The following GRM1 variants were observed in gnomAD, a reference collection of about 807,000 sequenced individuals.
GRM1 encodes the protein glutamate metabotropic receptor 1, also known as metabotropic glutamate receptor 1.
A neutral mutation model predicts 90.9 loss-of-function variants in GRM1; 33 were observed. The observed-to-expected ratio is 0.36, with a 90% CI of 0.28 to 0.49. The LOEUF (loss-of-function observed/expected upper bound fraction) is 0.49, where lower values mean the gene tolerates loss of function less well. Ranked by LOEUF, GRM1 falls within the 20% of genes least tolerant of loss-of-function variation. The probability of loss-of-function intolerance (pLI) is 0.99; values close to 1 mark genes in which losing one functional copy is unlikely to be tolerated. For synonymous variants in GRM1, 700 were observed against 613.2 expected (o/e 1.14, Z -2.09); for missense variants, 1,190 against 1,534.3 (o/e 0.78, Z 3.75).
chr6:146,139,828 A>G (rs1776770153), intron 1 of GRM1, among the ~76,000 whole-genome samples: 1 of 151,686 alleles, frequency 6.6e-6, no homozygotes, highest in African/African-American at 2.4e-5. Context: ...CTGACAACTA[A>G]AAACCTACTC....
intron 7 of GRM1, chr6:146,426,423 C>A (rs780619257): frequency 2.7e-6 from 2 of 734,250 alleles, no homozygotes; most frequent in Non-Finnish European, 4.8e-6. Context: ...AGAGCAAGGA[C>A]CATAGAGCAA....
At chr6:146,424,613 G>A (rs926801558) in intron 7 of GRM1, among the ~76,000 whole-genome samples, 54 of 152,240 alleles carry the variant, frequency 3.5e-4, no homozygotes, top group African/African-American at 1.3e-3. Flanking sequence ...TAAACATCAA[G>A]TGCAGGGCTC....
At chr6:146,033,380 AC>A (rs1425006472) in intron 1 of GRM1, among the ~76,000 whole-genome samples, 10 of 152,170 alleles carry the variant, frequency 6.6e-5, no homozygotes, top group African/African-American at 2.4e-4. Context: ...CGTCAAAAAA[AC>A]AAATTTATTA....
chr6:146,103,942 G>A (rs925124289), intron 1 of GRM1, among the ~76,000 whole-genome samples: 2 of 152,116 alleles, frequency 1.3e-5, no homozygotes, highest in Admixed American at 1.3e-4. Context: ...TGGAAGATGA[G>A]GAAACATTTG....
At chr6:146,214,296 T>C (rs1057211241) in intron 2 of GRM1, among the ~76,000 whole-genome samples, 11 of 152,326 alleles carry the variant, frequency 7.2e-5, no homozygotes, top group African/African-American at 2.6e-4. Flanking sequence ...ACTGGCATGG[T>C]CTAAGCCATA....
chr6:146,231,293 C>G (rs552483857), intron 2 of GRM1, among the ~76,000 whole-genome samples: 1 of 152,090 alleles, frequency 6.6e-6, no homozygotes, highest in African/African-American at 2.4e-5. Flanking sequence ...ACCTTCCACT[C>G]AATTTTACTG....
At chr6:146,220,040 T>G (rs1780009225) in intron 2 of GRM1, among the ~76,000 whole-genome samples, 1 of 152,088 alleles carries the variant, frequency 6.6e-6, no homozygotes, top group Admixed American at 6.6e-5. Flanking sequence ...GAATTACATA[T>G]CTGTGTATAT....
chr6:146,158,825 A>G (rs1777609475), intron 1 of GRM1, among the ~76,000 whole-genome samples: 1 of 152,178 alleles, frequency 6.6e-6, no homozygotes, highest in Non-Finnish European at 1.5e-5. Flanking sequence ...ACAAAGCCCT[A>G]TAGCTGTTTC....
intron 1 of GRM1, among the ~76,000 whole-genome samples, chr6:146,149,885 A>T (rs1275253204): frequency 6.6e-6 from 1 of 152,102 alleles, no homozygotes; most frequent in Non-Finnish European, 1.5e-5. Flanking sequence ...GTTCTCTTTG[A>T]TTGCCCAGTG....
At chr6:146,376,388 A>G (rs1776099088) in intron 5 of GRM1, among the ~76,000 whole-genome samples, 1 of 151,978 alleles carries the variant, frequency 6.6e-6, no homozygotes, top group Admixed American at 6.6e-5. Context: ...TGAGGTGATT[A>G]TTTATTGTTC....
intron 2 of GRM1, among the ~76,000 whole-genome samples, chr6:146,207,020 A>G (rs970964364): frequency 6.6e-6 from 1 of 152,202 alleles, no homozygotes; most frequent in African/African-American, 2.4e-5. Flanking sequence ...TCCATGGAGT[A>G]TAGGTACCAC....
chr6:146,299,759 G>A (rs548596962), intron 2 of GRM1, among the ~76,000 whole-genome samples: 35 of 152,214 alleles, frequency 2.3e-4, no homozygotes, highest in South Asian at 6.2e-4. Context: ...CTCTTCTGCA[G>A]CATTTGCCCT....
intron 1 of GRM1, among the ~76,000 whole-genome samples, chr6:146,143,222 C>T (rs1211020069): frequency 6.6e-6 from 1 of 152,166 alleles, no homozygotes; most frequent in African/African-American, 2.4e-5. Context: ...TTAAAGGAAA[C>T]TTTTCTTCCA....
At chr6:146,347,579 CA>C (rs1448744997) in intron 3 of GRM1, among the ~76,000 whole-genome samples, 2 of 151,952 alleles carry the variant, frequency 1.3e-5, no homozygotes, top group African/African-American at 4.8e-5. Context: ...AAAAATATGC[CA>C]ATTGTAGTAG....
chr6:146,420,031 T>G (rs1163162863), intron 7 of GRM1, among the ~76,000 whole-genome samples: 2 of 152,170 alleles, frequency 1.3e-5, no homozygotes, highest in East Asian at 3.9e-4. Context: ...CCAGAGAGGC[T>G]TCACCACAGG....
intron 3 of GRM1, among the ~76,000 whole-genome samples, chr6:146,348,356 A>G (rs140786342): frequency 2.6e-5 from 4 of 152,386 alleles, no homozygotes; most frequent in East Asian, 3.9e-4. Context: ...GCTGTAGTAA[A>G]GGAAATGGCC....
intron 2 of GRM1, among the ~76,000 whole-genome samples, chr6:146,295,535 C>G (rs1373575268): frequency 6.6e-6 from 1 of 152,014 alleles, no homozygotes; most frequent in Non-Finnish European, 1.5e-5. Flanking sequence ...ACCAGCCTAT[C>G]CATTTCTTTT....
At chr6:146,112,094 T>G (rs976085636) in intron 1 of GRM1, among the ~76,000 whole-genome samples, 2 of 152,228 alleles carry the variant, frequency 1.3e-5, no homozygotes, top group African/African-American at 4.8e-5. Flanking sequence ...TGACTTGCAC[T>G]GTTCTGAGTA....
intron 7 of GRM1, among the ~76,000 whole-genome samples, chr6:146,401,851 G>A (rs1447938711): frequency 6.6e-6 from 1 of 152,188 alleles, no homozygotes; most frequent in Non-Finnish European, 1.5e-5. Context: ...TAAGAGAACA[G>A]TGACTAATGA....
Sources: gnomAD v4.1 joint callset for allele counts (sites outside exome capture counted in the v4.1 genomes callset) on GRCh38, gnomAD v4.1.1 for gene constraint, MANE v1.5 for transcripts, NCBI Gene and HGNC (gene_info 2026-07-23, HGNC 2026-07-21) for gene names.